The following HS3ST3A1 variants were observed in gnomAD, a reference collection of about 807,000 sequenced individuals.
HS3ST3A1 encodes the protein heparan sulfate-glucosamine 3-sulfotransferase 3A1, also known as heparan sulfate glucosamine 3-O-sulfotransferase 3A1.
A neutral mutation model predicts 25.7 loss-of-function variants in HS3ST3A1; 19 were observed. The observed-to-expected ratio is 0.74, with a 90% confidence interval of 0.52 to 1.08. The LOEUF (loss-of-function observed/expected upper bound fraction) is 1.08, where lower values mean the gene tolerates loss of function less well. Ranked by LOEUF, HS3ST3A1 falls within the 50% of genes least tolerant of loss-of-function variation. The pLI is 0.00. For missense variants in HS3ST3A1, 459 were observed against 594.3 expected (o/e 0.77, Z 2.37); for synonymous variants, 226 against 278.6 (o/e 0.81, Z 1.88).
At chr17:13,509,875 G>A (rs1290830605) in intron 1 of HS3ST3A1, among the ~76,000 whole-genome samples, 1 of 152,148 alleles carries the variant, frequency 6.6e-6, no homozygotes, top group Non-Finnish European at 1.5e-5. Context: ...TCTGATGCTT[G>A]GCTCACTGTT....
chr17:13,528,390 T>G (rs566567047), intron 1 of HS3ST3A1, among the ~76,000 whole-genome samples: 1 of 152,220 alleles, frequency 6.6e-6, no homozygotes, highest in Non-Finnish European at 1.5e-5. Context: ...TTAGAGCCTT[T>G]AGGCTCCATC....
intron 1 of HS3ST3A1, among the ~76,000 whole-genome samples, chr17:13,543,986 A>C (rs530111120): frequency 6.6e-5 from 10 of 152,302 alleles, no homozygotes; most frequent in African/African-American, 2.4e-4. Context: ...AGTTTCCAAA[A>C]ATCTTTTTAA....
At chr17:13,560,434 C>T (rs1325795133) in intron 1 of HS3ST3A1, among the ~76,000 whole-genome samples, 3 of 149,088 alleles carry the variant, frequency 2.0e-5, no homozygotes, top group Non-Finnish European at 3.0e-5. Context: ...CAGAGTTAAA[C>T]ATCATGACAT....
chr17:13,582,610 T>A (rs1466961435), intron 1 of HS3ST3A1, among the ~76,000 whole-genome samples: 1 of 152,216 alleles, frequency 6.6e-6, no homozygotes, highest in African/African-American at 2.4e-5. Context: ...TGCTAAACGA[T>A]CAAGGAGTTG....
At chr17:13,553,009 G>A (rs1263140601) in intron 1 of HS3ST3A1, among the ~76,000 whole-genome samples, 2 of 152,172 alleles carry the variant, frequency 1.3e-5, no homozygotes, top group African/African-American at 2.4e-5. Context: ...AGTCCCCTGG[G>A]TCTAAGGCTT....
intron 1 of HS3ST3A1, among the ~76,000 whole-genome samples, chr17:13,539,779 T>C (rs922136387): frequency 6.6e-6 from 1 of 152,146 alleles, no homozygotes; most frequent in Non-Finnish European, 1.5e-5. Context: ...CCATAGACAA[T>C]AGTATTAACA....
chr17:13,509,860 A>G (rs1264148075), intron 1 of HS3ST3A1, among the ~76,000 whole-genome samples: 1 of 152,184 alleles, frequency 6.6e-6, no homozygotes, highest in African/African-American at 2.4e-5. Context: ...TTAGATTCTG[A>G]GTCTTCTGAT....
intron 1 of HS3ST3A1, among the ~76,000 whole-genome samples, chr17:13,525,058 T>C (rs1906367334): frequency 6.6e-6 from 1 of 152,248 alleles, no homozygotes; most frequent in South Asian, 2.1e-4. Flanking sequence ...ATTTTCTTTC[T>C]TTTCTGTCTT....
intron 1 of HS3ST3A1, among the ~76,000 whole-genome samples, chr17:13,568,279 A>G (rs543185173): frequency 2.0e-5 from 3 of 152,342 alleles, no homozygotes; most frequent in Admixed American, 6.5e-5. Context: ...AATAGACTAT[A>G]GTATAGCATA....
At chr17:13,596,636 C>G (rs1441676502) in intron 1 of HS3ST3A1, among the ~76,000 whole-genome samples, 1 of 152,108 alleles carries the variant, frequency 6.6e-6, no homozygotes. Context: ...ACATCTCACT[C>G]TCTTCCTAGC....
chr17:13,522,853 G>GAGACACACACAC (rs1555538069), intron 1 of HS3ST3A1, among the ~76,000 whole-genome samples: 37 of 148,348 alleles, frequency 2.5e-4, no homozygotes, highest in Admixed American at 5.4e-4. Flanking sequence ...CACACAGAGA[G>GAGACACACACAC]ACACACACAC....
At chr17:13,546,065 G>A (rs1024810511) in intron 1 of HS3ST3A1, among the ~76,000 whole-genome samples, 1 of 152,024 alleles carries the variant, frequency 6.6e-6, no homozygotes, top group African/African-American at 2.4e-5. Flanking sequence ...GTGCGTATGT[G>A]CATTTATCTG....
chr17:13,576,525 C>T (rs1247588194), intron 1 of HS3ST3A1, among the ~76,000 whole-genome samples: 2 of 152,200 alleles, frequency 1.3e-5, no homozygotes, highest in East Asian at 1.9e-4. Flanking sequence ...CATCACTTCT[C>T]TTATATTCTT....
intron 1 of HS3ST3A1, among the ~76,000 whole-genome samples, chr17:13,530,894 CCT>C (rs1247667221): frequency 6.6e-6 from 1 of 152,182 alleles, no homozygotes; most frequent in Non-Finnish European, 1.5e-5. Context: ...CCTCTCTTCC[CCT>C]GAGACCTCTT....
At chr17:13,556,480 C>T (rs1907377425) in intron 1 of HS3ST3A1, among the ~76,000 whole-genome samples, 1 of 145,880 alleles carries the variant, frequency 6.9e-6, no homozygotes, top group Non-Finnish European at 1.5e-5. Flanking sequence ...TGCACTCCAG[C>T]CTAGGCGACA....
intron 1 of HS3ST3A1, among the ~76,000 whole-genome samples, chr17:13,510,661 T>C (rs1452053305): frequency 3.9e-5 from 6 of 152,108 alleles, no homozygotes; most frequent in African/African-American, 1.4e-4. Flanking sequence ...GGATATTCTT[T>C]CTAAAATTTG....
chr17:13,532,891 GTGTA>G (rs894865040), intron 1 of HS3ST3A1, among the ~76,000 whole-genome samples: 9 of 113,700 alleles, frequency 7.9e-5, no homozygotes, highest in African/African-American at 3.4e-4. Context: ...GTGTGTGTGT[GTGTA>G]TATGTTTATA....
chr17:13,572,798 A>C (rs1907852804), intron 1 of HS3ST3A1, among the ~76,000 whole-genome samples: 2 of 152,260 alleles, frequency 1.3e-5, no homozygotes. Context: ...CAGGAAAATA[A>C]AAAATTGAGC....
intron 1 of HS3ST3A1, among the ~76,000 whole-genome samples, chr17:13,504,902 T>C (rs1362221776): frequency 6.6e-6 from 1 of 152,142 alleles, no homozygotes; most frequent in Non-Finnish European, 1.5e-5. Flanking sequence ...TGGTGTGCAG[T>C]GTAACCTGGA....
Sources: allele counts gnomAD v4.1 joint callset (sites outside exome capture counted in the v4.1 genomes callset), GRCh38; gene constraint gnomAD v4.1.1; transcripts MANE v1.5; gene names NCBI Gene and HGNC (gene_info 2026-07-23, HGNC 2026-07-21).